DUSP13A: variants seen among roughly 807,000 people sequenced by gnomAD.
DUSP13A encodes dual specificity phosphatase 13A.
the DUSP13A span, chr10:75,108,160 C>G: frequency 3.7e-6 from 6 of 1,612,606 alleles, no homozygotes; most frequent in African/African-American, 4.0e-5. Context: ...GCGTTCAGCA[C>G]GTGGGTGATG....
chr10:75,106,329 G>C, the DUSP13A span, among the ~76,000 whole-genome samples: 1 of 151,874 alleles, frequency 6.6e-6, no homozygotes, highest in Non-Finnish European at 1.5e-5. Context: ...GAAACATGGA[G>C]GAACTTGCAG....
chr10:75,109,002 C>G, the DUSP13A span: 1 of 1,595,110 alleles, frequency 6.3e-7, no homozygotes, highest in Admixed American at 1.7e-5. Context: ...GGCCAGCTAC[C>G]ACTCACGCAT....
At chr10:75,108,904 G>A in the DUSP13A span, 1 of 1,442,948 alleles carries the variant, frequency 6.9e-7, no homozygotes. Flanking sequence ...GATGGTCAGA[G>A]CAGAGCTATT....
At chr10:75,108,286 G>A in the DUSP13A span, 1 of 1,514,702 alleles carries the variant, frequency 6.6e-7, no homozygotes, top group Non-Finnish European at 8.8e-7. Context: ...GCCCCCTGCT[G>A]CAGAGGGACC....
the DUSP13A span, chr10:75,108,278 C>A: frequency 6.6e-7 from 1 of 1,523,258 alleles, no homozygotes; most frequent in Admixed American, 2.1e-5. Context: ...TGTGCCTGGC[C>A]CCCTGCTGCA....
the DUSP13A span, chr10:75,109,049 G>A: frequency 9.9e-6 from 16 of 1,611,180 alleles, no homozygotes; most frequent in East Asian, 2.3e-5. Flanking sequence ...TCGTCCACAC[G>A]GCTGCAAGAA....
At chr10:75,106,121 T>C in the DUSP13A span, among the ~76,000 whole-genome samples, 1 of 141,014 alleles carries the variant, frequency 7.1e-6, no homozygotes, top group African/African-American at 2.7e-5. Context: ...TTTTTTTTTT[T>C]AGTAGAGACA....
At chr10:75,106,088 TTTTC>T in the DUSP13A span, among the ~76,000 whole-genome samples, 4 of 135,076 alleles carry the variant, frequency 3.0e-5, no homozygotes, top group Non-Finnish European at 6.1e-5. Context: ...TTCTTTTTTC[TTTTC>T]TTTCTTTTCT....
At chr10:75,108,151 C>T in the DUSP13A span, 9 of 1,612,748 alleles carry the variant, frequency 5.6e-6, no homozygotes, top group African/African-American at 4.0e-5. Context: ...TTGTGGGCGG[C>T]GTTCAGCACG....
the DUSP13A span, chr10:75,108,137 G>A: frequency 1.9e-6 from 3 of 1,613,334 alleles, no homozygotes; most frequent in Middle Eastern, 3.5e-4. Flanking sequence ...GACAGTAGAG[G>A]CCCTTGTGGG....
At chr10:75,108,708 G>A in the DUSP13A span, among the ~76,000 whole-genome samples, 1 of 152,168 alleles carries the variant, frequency 6.6e-6, no homozygotes, top group Non-Finnish European at 1.5e-5. Context: ...CTTATCTCAT[G>A]CCCCAAATAC....
chr10:75,106,424 TCTGA>T, the DUSP13A span, among the ~76,000 whole-genome samples: 1 of 152,178 alleles, frequency 6.6e-6, no homozygotes, highest in Non-Finnish European at 1.5e-5. Context: ...CTGGTCTCGG[TCTGA>T]CTAACTTCCA....
the DUSP13A span, chr10:75,108,030 G>A: frequency 1.5e-5 from 24 of 1,613,472 alleles, no homozygotes; most frequent in South Asian, 1.3e-4. Context: ...GAAGTCAGCC[G>A]CAGAGGAGAA....
chr10:75,108,366 A>G, the DUSP13A span: 7 of 1,359,302 alleles, frequency 5.1e-6, no homozygotes, highest in Admixed American at 1.8e-4. Flanking sequence ...ACAGCCCTAT[A>G]CCCAGAGCCC....
At chr10:75,108,141 T>C in the DUSP13A span, 491,892 of 1,612,982 alleles carry the variant, frequency 0.3, 81,414 homozygotes, top group East Asian at 0.62. Flanking sequence ...GTAGAGGCCC[T>C]TGTGGGCGGC....
the DUSP13A span, chr10:75,109,030 G>A: frequency 6.2e-7 from 1 of 1,610,184 alleles, no homozygotes; most frequent in Non-Finnish European, 8.5e-7. Context: ...GAAAAGGTTG[G>A]GCCAAACTTC....
At chr10:75,108,194 G>T in the DUSP13A span, 274 of 1,605,254 alleles carry the variant, frequency 1.7e-4, no homozygotes, top group Non-Finnish European at 2.2e-4. Context: ...GCTCAAAGCG[G>T]TTGTTTGCCG....
the DUSP13A span, among the ~76,000 whole-genome samples, chr10:75,107,007 CTGAG>C: frequency 9.8e-5 from 15 of 152,304 alleles, no homozygotes; most frequent in African/African-American, 3.6e-4. Flanking sequence ...ATGCTGTATC[CTGAG>C]TATTTGAAGA....
chr10:75,107,943 T>A, the DUSP13A span: 1 of 1,551,946 alleles, frequency 6.4e-7, no homozygotes, highest in Non-Finnish European at 8.7e-7. Flanking sequence ...TGAGGCATCC[T>A]CCCCATGAAT....
Sources: gnomAD v4.1 joint callset for allele counts (sites outside exome capture counted in the v4.1 genomes callset) on GRCh38, gnomAD v4.1.1 for gene constraint, MANE v1.5 for transcripts, NCBI Gene and HGNC (gene_info 2026-07-23, HGNC 2026-07-21) for gene names.